Variants in ABHD17C observed in about 807,000 individuals in gnomAD.
The protein encoded by ABHD17C is alpha/beta hydrolase domain-containing protein 17C.
A neutral mutation model predicts 27.9 loss-of-function variants in ABHD17C; 11 were observed. The ratio of observed to expected loss-of-function variants is 0.39; its 90% CI spans 0.25 to 0.65. ABHD17C has a LOEUF of 0.65. ABHD17C is among the 30% of genes least tolerant of loss of function. The probability of loss-of-function intolerance (pLI) is 0.45; values close to 1 mark genes in which losing one functional copy is unlikely to be tolerated. For missense variants in ABHD17C, 280 were observed against 470.2 expected (o/e 0.60, Z 3.74); for synonymous variants, 233 against 209.1 (o/e 1.11, Z -0.98).
In ABHD17C at chr15:80,740,731, T is replaced by C. The variant is rs563481834; in HGVS notation, c.591-8782T>C. On this transcript the variant is annotated intron_variant, in intron 1 of 2. Coordinates refer to ENST00000258884, the MANE Select transcript of ABHD17C (RefSeq NM_021214.2). ...TTCTACATAAGTCTGAGCTCTTCAG[T>C]CAGATTTCAGTGTCAGAACCTGCCG... 8.5e-5 allele frequency among the ~76,000 whole-genome samples: 13 copies of C among 152,284 alleles called. No homozygotes were observed. In the South Asian group the frequency reaches 2.7e-3, roughly 32 times the overall value.
At chr15:80,727,421 C>T (rs1459949763) in intron 1 of ABHD17C, among the ~76,000 whole-genome samples, 2 of 152,168 alleles carry the variant, frequency 1.3e-5, no homozygotes, top group East Asian at 1.9e-4. Context: ...TGTGTGCCCT[C>T]GCTAGCCTTG....
intron 1 of ABHD17C, among the ~76,000 whole-genome samples, chr15:80,726,594 C>G (rs1445742374): frequency 8.1e-6 from 1 of 122,810 alleles, no homozygotes; most frequent in Non-Finnish European, 1.5e-5. Context: ...TCACTGCAAG[C>G]TCCGCCCCCC....
At chr15:80,752,595 C>T (rs987369687) in intron 2 of ABHD17C, among the ~76,000 whole-genome samples, 3 of 152,090 alleles carry the variant, frequency 2.0e-5, no homozygotes, top group Admixed American at 1.3e-4. Context: ...GCAAAGCACC[C>T]GGCTATGGTA....
chr15:80,697,052 T>TA (rs1169565035), intron 1 of ABHD17C, among the ~76,000 whole-genome samples: 1 of 152,204 alleles, frequency 6.6e-6, no homozygotes, highest in South Asian at 2.1e-4. Context: ...CTATAGTTTT[T>TA]ATCTAAAACC....
At chr15:80,734,002 TA>T (rs1895092507) in intron 1 of ABHD17C, among the ~76,000 whole-genome samples, 1 of 150,672 alleles carries the variant, frequency 6.6e-6, no homozygotes, top group Admixed American at 6.6e-5. Context: ...TTTATTTTTT[TA>T]AAACAGGGTC....
chr15:80,702,263 C>CT (rs1021634594), intron 1 of ABHD17C, among the ~76,000 whole-genome samples: 8 of 152,088 alleles, frequency 5.3e-5, no homozygotes, highest in African/African-American at 1.9e-4. Flanking sequence ...TACTGGGAGG[C>CT]TGAGGTGGGA....
At chr15:80,709,049 T>C (rs1327077171) in intron 1 of ABHD17C, among the ~76,000 whole-genome samples, 3 of 152,314 alleles carry the variant, frequency 2.0e-5, no homozygotes, top group East Asian at 3.9e-4. Context: ...TCTCCTTTGC[T>C]GAATCTCCTT....
In ABHD17C at chr15:80,696,248, C is replaced by CA. The variant is rs1326312176; in HGVS notation, c.590+230dup. Among the ~76,000 whole-genome samples the CA allele has an allele frequency of 3.3e-5, 5 of 152,242 alleles. No individual in the cohort carries two copies. In the East Asian group the frequency reaches 7.7e-4, roughly 23 times the overall value. On this transcript the variant is annotated intron_variant, in intron 1 of 2. Coordinates refer to ENST00000258884, the MANE Select transcript of ABHD17C (RefSeq NM_021214.2). ...TTCAGGTTCCTGGAGAGCTCGGACTCAGAGAATTTTGCCTGCTTTGGCTCG... is the reference window on the plus strand; with the variant it reads ...TTCAGGTTCCTGGAGAGCTCGGACTCAAGAGAATTTTGCCTGCTTTGGCTCG...
At chr15:80,730,687 C>T (rs887016141) in intron 1 of ABHD17C, among the ~76,000 whole-genome samples, 3 of 152,226 alleles carry the variant, frequency 2.0e-5, no homozygotes, top group African/African-American at 7.2e-5. Context: ...GGACAAAAAG[C>T]GTGTGAAGTG....
Position 80,742,240 on chromosome 15 carries a change from G to C in ABHD17C, c.591-7273G>C, listed in dbSNP as rs114718967. The stretch of plus-strand genomic sequence containing the variant: ...TCTGCAAGCTGGAGACCCAGGAAAG[G>C]CTGTGATGTAATTCATCCCAGTCCA... On this transcript the variant is annotated intron_variant, in intron 1 of 2. Transcript: ENST00000258884. Among the ~76,000 whole-genome samples the C allele has an allele frequency of 4.1e-3, 629 of 152,252 alleles. 2 individuals are homozygous for C. The highest frequency in any genetic ancestry group is 0.015 in the African/African-American group (608 of 41,546).
intron 2 of ABHD17C, among the ~76,000 whole-genome samples, chr15:80,751,905 T>C (rs1306861938): frequency 6.6e-6 from 1 of 152,258 alleles, no homozygotes; most frequent in African/African-American, 2.4e-5. Context: ...AACATTTTCT[T>C]AATATGTCCG....
intron 1 of ABHD17C, among the ~76,000 whole-genome samples, chr15:80,740,682 G>A (rs138676198): frequency 3.6e-4 from 55 of 152,244 alleles, no homozygotes; most frequent in African/African-American, 1.3e-3. Context: ...TTAATATCAA[G>A]ACGTTTTGTC....
intron 1 of ABHD17C, among the ~76,000 whole-genome samples, chr15:80,726,504 T>TG: frequency 5.9e-5 from 2 of 34,026 alleles, no homozygotes; most frequent in African/African-American, 1.1e-4. Flanking sequence ...TTTTCTGGTT[T>TG]TTTTTTTTTT....
At chr15:80,701,386 A>C (rs545218093) in intron 1 of ABHD17C, among the ~76,000 whole-genome samples, 15 of 152,180 alleles carry the variant, frequency 9.9e-5, no homozygotes, top group Non-Finnish European at 2.2e-4. Context: ...GGGAACAGAA[A>C]AACAGAAATA....
At chr15:80,725,672 C>G (rs1894962581) in intron 1 of ABHD17C, among the ~76,000 whole-genome samples, 1 of 152,078 alleles carries the variant, frequency 6.6e-6, no homozygotes, top group South Asian at 2.1e-4. Context: ...ACCACCGTGA[C>G]TAGCTAATTT....
In ABHD17C at chr15:80,729,098, A is replaced by G. The variant is rs568040983; in HGVS notation, c.591-20415A>G. 3.3e-5 allele frequency among the ~76,000 whole-genome samples: 5 copies of G among 152,326 alleles called. No homozygotes were observed. The East Asian group carries it at 9.6e-4, about 29-fold the overall frequency. On this transcript the variant is annotated intron_variant, in intron 1 of 2. Transcript: ENST00000258884. ...AGTAAAACTCAGGTCTTCCTTGTTT[A>G]TTATCGTATCTTCAGCTTGTGGGCA...
intron 1 of ABHD17C, among the ~76,000 whole-genome samples, chr15:80,735,061 T>A (rs928966400): frequency 3.9e-5 from 6 of 152,240 alleles, no homozygotes; most frequent in African/African-American, 1.4e-4. Context: ...TGAACAGATA[T>A]CCCCCAGGCT....
chr15:80,747,780 G>A (rs1895309795), intron 1 of ABHD17C, among the ~76,000 whole-genome samples: 1 of 152,304 alleles, frequency 6.6e-6, no homozygotes, highest in African/African-American at 2.4e-5. Flanking sequence ...AGAAATGGAG[G>A]ACGGATGCTG....
intron 1 of ABHD17C, among the ~76,000 whole-genome samples, chr15:80,709,789 T>G (rs541297982): frequency 2.7e-4 from 41 of 152,246 alleles, no homozygotes; most frequent in Middle Eastern, 3.4e-3. Flanking sequence ...CCTGGAATGC[T>G]TTGCTTCCAG....
Sources: gnomAD v4.1 joint callset for allele counts (sites outside exome capture counted in the v4.1 genomes callset) on GRCh38, gnomAD v4.1.1 for gene constraint, MANE v1.5 for transcripts, NCBI Gene and HGNC (gene_info 2026-07-23, HGNC 2026-07-21) for gene names.